The following NFIB variants were observed in gnomAD, a reference collection of about 807,000 sequenced individuals.
NFIB encodes the protein nuclear factor 1 B-type.
A neutral mutation model predicts 61.5 loss-of-function variants in NFIB; 11 were observed. The ratio of observed to expected loss-of-function variants is 0.18; its 90% CI spans 0.11 to 0.30. The LOEUF (loss-of-function observed/expected upper bound fraction) is 0.30, where lower values mean the gene tolerates loss of function less well. Among genes scored for constraint, NFIB ranks in the 10% least tolerant of loss-of-function variants. The pLI is 1.00. For synonymous variants in NFIB, 260 were observed against 216.5 expected (o/e 1.20, Z -1.76); for missense variants, 471 against 608.9 (o/e 0.77, Z 2.38).
chr9:14,167,330 T>A (rs887702503), intron 3 of NFIB, among the ~76,000 whole-genome samples: 1 of 151,780 alleles, frequency 6.6e-6, no homozygotes, highest in African/African-American at 2.4e-5. Flanking sequence ...ATCACTTGAG[T>A]CCAGGAGCTT....
intron 1 of NFIB, among the ~76,000 whole-genome samples, chr9:14,346,290 A>AC (rs67699489): frequency 0.36 from 31,299 of 87,688 alleles, 7,944 homozygotes; most frequent in Non-Finnish European, 0.51. Flanking sequence ...GGTAACCGAC[A>AC]CCCCCCCCCC....
intron 1 of NFIB, among the ~76,000 whole-genome samples, chr9:14,373,641 AGTGTGTGTGTGTGT>A (rs56764067): frequency 2.8e-5 from 4 of 143,148 alleles, no homozygotes; most frequent in Admixed American, 7.1e-5. Context: ...TGTCCACATG[AGTGTGTGTGTGTGT>A]GTGTGTGTGT....
intron 6 of NFIB, among the ~76,000 whole-genome samples, chr9:14,128,741 G>T (rs962379482): frequency 1.3e-5 from 2 of 150,064 alleles, no homozygotes; most frequent in Admixed American, 1.3e-4. Flanking sequence ...TTGAGAAACA[G>T]AACAGTGTCG....
intron 2 of NFIB, among the ~76,000 whole-genome samples, chr9:14,225,878 C>T (rs1002028008): frequency 3.3e-5 from 5 of 152,056 alleles, no homozygotes; most frequent in Non-Finnish European, 7.4e-5. Context: ...AACATTTTGT[C>T]ATTCTGATGA....
intron 1 of NFIB, among the ~76,000 whole-genome samples, chr9:14,396,475 A>C (rs899979740): frequency 2.0e-5 from 3 of 152,010 alleles, no homozygotes; most frequent in Non-Finnish European, 4.4e-5. Context: ...TGGGGCCCAA[A>C]TTCAGGTGGG....
At chr9:14,405,392 C>T in the NFIB span, among the ~76,000 whole-genome samples, 620 of 152,222 alleles carry the variant, frequency 4.1e-3, 5 homozygotes, top group African/African-American at 0.014. Flanking sequence ...TGGAATGTTG[C>T]CATAACAAAA....
the NFIB span, among the ~76,000 whole-genome samples, chr9:14,510,391 A>G: frequency 6.6e-6 from 1 of 152,218 alleles, no homozygotes; most frequent in Non-Finnish European, 1.5e-5. Flanking sequence ...ACCCCACACT[A>G]GAATAGACTC....
At chr9:14,228,445 C>G (rs1255912025) in intron 2 of NFIB, among the ~76,000 whole-genome samples, 1 of 152,146 alleles carries the variant, frequency 6.6e-6, no homozygotes, top group Non-Finnish European at 1.5e-5. Context: ...ATCTACCCGC[C>G]TCAGCCTCCC....
At chr9:14,124,888 C>G (rs530467264) in intron 7 of NFIB, among the ~76,000 whole-genome samples, 1 of 152,268 alleles carries the variant, frequency 6.6e-6, no homozygotes, top group Non-Finnish European at 1.5e-5. Flanking sequence ...TCTCTGATTA[C>G]TCTCATATAG....
chr9:14,369,464 G>A (rs2061334872), intron 1 of NFIB, among the ~76,000 whole-genome samples: 1 of 152,106 alleles, frequency 6.6e-6, no homozygotes, highest in Admixed American at 6.5e-5. Context: ...TGGAGCCATG[G>A]TTCCATGTTG....
the NFIB span, among the ~76,000 whole-genome samples, chr9:14,432,839 A>AAG: frequency 6.6e-6 from 1 of 152,244 alleles, no homozygotes; most frequent in Non-Finnish European, 1.5e-5. Flanking sequence ...TTGGGTCCAT[A>AAG]ATCAGAGACT....
intron 2 of NFIB, among the ~76,000 whole-genome samples, chr9:14,275,172 T>C (rs1588073962): frequency 6.6e-6 from 1 of 152,020 alleles, no homozygotes. Context: ...CTGAAGGGAG[T>C]TGTTTTACGT....
intron 2 of NFIB, among the ~76,000 whole-genome samples, chr9:14,241,063 T>C (rs909081686): frequency 6.6e-6 from 1 of 152,214 alleles, no homozygotes; most frequent in African/African-American, 2.4e-5. Context: ...CAGCCGCAGC[T>C]GAGAAAGAAA....
chr9:14,322,450 C>T (rs1588308500), intron 1 of NFIB: 3 of 231,292 alleles, frequency 1.3e-5, no homozygotes, highest in Non-Finnish European at 2.6e-5. Context: ...CCCTTCCCCG[C>T]CCTCGGATTG....
intron 4 of NFIB, among the ~76,000 whole-genome samples, 200 bp from the exon 5 acceptor site, chr9:14,150,465 G>A (rs1236251543): frequency 6.6e-6 from 1 of 152,080 alleles, no homozygotes; most frequent in African/African-American, 2.4e-5. Flanking sequence ...TTGGAAATTT[G>A]AGGCAATCAG....
chr9:14,483,396 G>A, the NFIB span, among the ~76,000 whole-genome samples: 2 of 152,328 alleles, frequency 1.3e-5, no homozygotes, highest in African/African-American at 2.4e-5. Flanking sequence ...TACTGGATAT[G>A]TGTGTTTATG....
chr9:14,531,846 C>A, the NFIB span: 3 of 152,256 alleles, frequency 2.0e-5, no homozygotes, highest in Non-Finnish European at 2.9e-5. Flanking sequence ...AGGCAGCGAA[C>A]TTTATAACAC....
intron 1 of NFIB, among the ~76,000 whole-genome samples, chr9:14,346,132 G>T (rs2025318): frequency 0.45 from 68,747 of 151,838 alleles, 16,451 homozygotes; most frequent in Middle Eastern, 0.6. Flanking sequence ...CGCGGGCGCG[G>T]GGGGCGCGTG....
the NFIB span, among the ~76,000 whole-genome samples, chr9:14,519,549 T>C: frequency 6.6e-6 from 1 of 152,172 alleles, no homozygotes; most frequent in Admixed American, 6.5e-5. Context: ...GCAGGGGTTG[T>C]TTTTGTTTTG....
Sources: gnomAD v4.1 joint callset for allele counts (sites outside exome capture counted in the v4.1 genomes callset) on GRCh38, gnomAD v4.1.1 for gene constraint, MANE v1.5 for transcripts, NCBI Gene and HGNC (gene_info 2026-07-23, HGNC 2026-07-21) for gene names.